Variants in PCSK5 observed in about 807,000 individuals in gnomAD.
The protein encoded by PCSK5 is proprotein convertase subtilisin/kexin type 5, also known as prohormone convertase 5.
A neutral mutation model predicts 233.2 loss-of-function variants in PCSK5; 129 were observed. That is an observed-to-expected ratio of 0.55 (90% CI 0.48 to 0.64). The LOEUF (loss-of-function observed/expected upper bound fraction) is 0.64, where lower values mean the gene tolerates loss of function less well. Among genes scored for constraint, PCSK5 ranks in the 30% least tolerant of loss-of-function variants. The pLI is 0.00. For synonymous variants in PCSK5, 825 were observed against 879.2 expected, an observed-to-expected ratio of 0.94 and a Z score of 1.09; for missense variants, 2,076 against 2,430.1, an observed-to-expected ratio of 0.85 and a Z score of 3.06.
chr9:76,333,515 T>A (rs1279962497), intron 34 of PCSK5, among the ~76,000 whole-genome samples: 1 of 152,248 alleles, frequency 6.6e-6, no homozygotes, highest in Non-Finnish European at 1.5e-5. Flanking sequence ...GATGTATCCT[T>A]CTAAAAGCAT....
chr9:76,300,687 T>C (rs1021030164), intron 27 of PCSK5, among the ~76,000 whole-genome samples: 2 of 152,218 alleles, frequency 1.3e-5, no homozygotes, highest in Admixed American at 1.3e-4. Flanking sequence ...ATGCAGGCTT[T>C]AGGGCACAGC....
chr9:76,336,766 T>C (rs1829688683), intron 34 of PCSK5, among the ~76,000 whole-genome samples: 1 of 152,174 alleles, frequency 6.6e-6, no homozygotes, highest in South Asian at 2.1e-4. Context: ...ACATGTTTAA[T>C]TGTAGGTACT....
At chr9:76,264,359 A>C (rs532353874) in intron 24 of PCSK5, among the ~76,000 whole-genome samples, 1 of 152,298 alleles carries the variant, frequency 6.6e-6, no homozygotes, top group South Asian at 2.1e-4. Flanking sequence ...AAAATCCTAG[A>C]AGAAAACCTA....
At chr9:76,230,988 C>G (rs1416572038) in intron 21 of PCSK5, among the ~76,000 whole-genome samples, 1 of 152,104 alleles carries the variant, frequency 6.6e-6, no homozygotes, top group African/African-American at 2.4e-5. Context: ...CTCTGCCCCC[C>G]ATTTGTAGAA....
At chr9:75,968,874 G>C (rs771803735) in intron 2 of PCSK5, among the ~76,000 whole-genome samples, 3 of 152,132 alleles carry the variant, frequency 2.0e-5, no homozygotes, top group Admixed American at 1.3e-4. Context: ...TTATAGACTT[G>C]ATTATTTATC....
At chr9:76,316,000 C>T (rs1371873050) in intron 30 of PCSK5, among the ~76,000 whole-genome samples, 2 of 143,560 alleles carry the variant, frequency 1.4e-5, no homozygotes, top group Non-Finnish European at 3.0e-5. Flanking sequence ...CATCCAACAT[C>T]CACTGAACCT....
intron 10 of PCSK5, among the ~76,000 whole-genome samples, chr9:76,145,555 A>G (rs890217847): frequency 3.3e-5 from 5 of 152,088 alleles, no homozygotes; most frequent in Non-Finnish European, 5.9e-5. Flanking sequence ...AACAGGAGAA[A>G]CTCTCTTATT....
chr9:76,153,865 C>G (rs1317573826), intron 10 of PCSK5, among the ~76,000 whole-genome samples: 1 of 152,146 alleles, frequency 6.6e-6, no homozygotes, highest in Non-Finnish European at 1.5e-5. Context: ...TTTCACAGCC[C>G]CTGGAGAGAA....
intron 10 of PCSK5, among the ~76,000 whole-genome samples, chr9:76,154,822 A>G (rs1823821147): frequency 6.6e-6 from 1 of 152,174 alleles, no homozygotes. Flanking sequence ...AATGATTCTC[A>G]TGAACTTTTA....
chr9:76,096,981 G>A (rs1364338106), intron 8 of PCSK5, among the ~76,000 whole-genome samples: 1 of 151,614 alleles, frequency 6.6e-6, no homozygotes, highest in African/African-American at 2.4e-5. Context: ...GCCCAGGCTG[G>A]AGTACAGTGG....
At chr9:76,300,420 TGTATCAG>T (rs1281216812) in intron 27 of PCSK5, among the ~76,000 whole-genome samples, 3 of 152,208 alleles carry the variant, frequency 2.0e-5, no homozygotes, top group Non-Finnish European at 4.4e-5. Flanking sequence ...AGGAAGCATC[TGTATCAG>T]CTTGCCCAGA....
intron 15 of PCSK5, 97 bp downstream of exon 15, chr9:76,179,795 AT>A: frequency 1.3e-6 from 1 of 786,472 alleles, no homozygotes; most frequent in Non-Finnish European, 2.2e-6. Flanking sequence ...GGCCACTGGC[AT>A]CTTCCACTAT....
At chr9:76,209,908 T>A (rs1309532717) in intron 20 of PCSK5, among the ~76,000 whole-genome samples, 3 of 152,160 alleles carry the variant, frequency 2.0e-5, no homozygotes, top group Non-Finnish European at 4.4e-5. Context: ...TTCAGATAAT[T>A]CTTCACAGAG....
intron 3 of PCSK5, among the ~76,000 whole-genome samples, chr9:76,014,104 G>T (rs1827847498): frequency 6.6e-6 from 1 of 152,082 alleles, no homozygotes; most frequent in Non-Finnish European, 1.5e-5. Flanking sequence ...TTTCTCAGCA[G>T]ATTTATGCTC....
At chr9:76,042,992 T>G (rs978038437) in intron 5 of PCSK5, among the ~76,000 whole-genome samples, 4 of 152,164 alleles carry the variant, frequency 2.6e-5, no homozygotes, top group African/African-American at 9.7e-5. Context: ...CCAACCAATC[T>G]GCCAAGATTT....
In PCSK5 at chr9:76,233,609, T is replaced by C. The variant is rs1181898668; in HGVS notation, c.2866+13T>C. On this transcript the variant is annotated intron_variant, in intron 22 of 37. Coordinates refer to ENST00000674117, the MANE Select transcript of PCSK5 (RefSeq NM_001372043.1). ...TCCTGTGGAGCAGGTGAGAGACTGC[T>C]GCTCCTCCGTCTTCTGCACCCCAAA... 6.2e-7 allele frequency: 1 copy of C among 1,606,956 alleles called. No homozygotes were observed. The highest frequency in any genetic ancestry group is 1.3e-5 in the African/African-American group (1 of 74,908).
At chr9:76,345,315 T>C (rs1246698924) in intron 35 of PCSK5, among the ~76,000 whole-genome samples, 1 of 151,972 alleles carries the variant, frequency 6.6e-6, no homozygotes, top group Non-Finnish European at 1.5e-5. Context: ...TCACCGCAGT[T>C]TCCGCCTGCC....
At chr9:76,078,663 A>G (rs1591847) in intron 7 of PCSK5, among the ~76,000 whole-genome samples, 25,471 of 152,048 alleles carry the variant, frequency 0.17, 2,174 homozygotes, top group East Asian at 0.25. Flanking sequence ...TGGATTCTCT[A>G]TTATATTTTA....
intron 24 of PCSK5, among the ~76,000 whole-genome samples, chr9:76,249,992 C>T (rs897160499): frequency 3.9e-5 from 6 of 152,130 alleles, no homozygotes; most frequent in Non-Finnish European, 8.8e-5. Flanking sequence ...TACCAAATAA[C>T]TTATTTAAAT....
Sources: gnomAD v4.1 joint callset for allele counts (sites outside exome capture counted in the v4.1 genomes callset) on GRCh38, gnomAD v4.1.1 for gene constraint, MANE v1.5 for transcripts, NCBI Gene and HGNC (gene_info 2026-07-23, HGNC 2026-07-21) for gene names.